Variants in BRI3BP observed in about 807,000 individuals in gnomAD.
BRI3BP encodes the protein BRI3 binding protein.
A neutral mutation model predicts 15.8 loss-of-function variants in BRI3BP; 7 were observed. That is an observed-to-expected ratio of 0.44 (90% CI 0.25 to 0.83). BRI3BP has a LOEUF of 0.83. Among genes scored for constraint, BRI3BP ranks in the 40% least tolerant of loss-of-function variants. The pLI, the probability that BRI3BP is intolerant of heterozygous loss-of-function variation, is 0.20. For synonymous variants in BRI3BP, 192 were observed against 163.5 expected (o/e 1.17, Z -1.33); for missense variants, 320 against 339.3 (o/e 0.94, Z 0.45).
At chr12:124,999,796 G>A (rs12820308) in intron 1 of BRI3BP, among the ~76,000 whole-genome samples, 7,334 of 89,648 alleles carry the variant, frequency 0.082, 317 homozygotes, top group Admixed American at 0.16. Context: ...TTTTTTGTGT[G>A]TTTTTAGTAG....
the BRI3BP span, among the ~76,000 whole-genome samples, chr12:125,040,767 G>A: frequency 2.7e-5 from 4 of 149,210 alleles, no homozygotes; most frequent in African/African-American, 9.9e-5. Flanking sequence ...GTCTTGCTGT[G>A]TTGTCCAGGC....
In BRI3BP at chr12:125,030,550, C is replaced by G. The variant is rs1955398617; in HGVS notation, c.*5120C>G. ...TGATATGTAGGAGGTGCACCAGTAC[C>G]AGTTTTTCTCTTGTGGTGGCTTAAA... On this transcript the variant is annotated 3_prime_UTR_variant, in exon 3 of 3. Transcript: ENST00000341446. 1 of 152,162 alleles carries G rather than the reference C, an allele frequency of 6.6e-6. No individual in the cohort carries two copies. The highest frequency in any genetic ancestry group is 2.1e-4 in the South Asian group (1 of 4,824). 9.4% of individuals were successfully genotyped at this position (152,162 alleles called of 1,614,324 possible). A position where few individuals can be genotyped will look rare whatever the true frequency, so the allele number is the denominator to read the frequency against.
intron 1 of BRI3BP, among the ~76,000 whole-genome samples, chr12:124,995,445 A>T (rs1955032356): frequency 6.6e-6 from 1 of 152,238 alleles, no homozygotes; most frequent in African/African-American, 2.4e-5. Context: ...GGGTGACCAC[A>T]GGATCCCCAT....
the BRI3BP span, among the ~76,000 whole-genome samples, chr12:125,050,825 A>G: frequency 6.6e-6 from 1 of 152,326 alleles, no homozygotes; most frequent in South Asian, 2.1e-4. Context: ...AACCATCTGC[A>G]TAAGAGATAG....
At position 124,993,915 on chromosome 12, in the gene BRI3BP, A is replaced by G. The variant is rs751236717; in HGVS notation, c.125A>G (p.Glu42Gly). The change falls in exon 1 of 3, where the codon GAG becomes GGG. Residue 42 changes from glutamate (E) to glycine (G), a missense_variant. Glu to Gly is a moderately conservative substitution (Grantham distance 98). Coordinates refer to ENST00000341446, the MANE Select transcript of BRI3BP (RefSeq NM_080626.6). Reference protein sequence around the residue: ...AQGARGRGGAEKNSYRRTVNT... With the variant: ...AQGARGRGGAGKNSYRRTVNT... ...GGGGCGCGGGGCCGCGGCGGCGCGG[A>G]GAAGAACAGCTACCGCCGCACGGTC... 7.6e-7 allele frequency: 1 copy of G among 1,312,778 alleles called. No individual in the cohort carries two copies. Among genetic ancestry groups the G allele is most frequent in the South Asian group, 2.0e-5 (1 of 50,716 alleles). 81.3% of individuals were successfully genotyped at this position (1,312,778 alleles called of 1,614,324 possible). A position where few individuals can be genotyped will look rare whatever the true frequency, so the allele number is the denominator to read the frequency against.
At chr12:125,016,824 C>CT (rs1955248772) in intron 2 of BRI3BP, among the ~76,000 whole-genome samples, 4 of 91,278 alleles carry the variant, frequency 4.4e-5, no homozygotes, top group Non-Finnish European at 8.7e-5. Flanking sequence ...CTGCGCCCAG[C>CT]CTTTTTTTTT....
At chr12:125,008,924 A>G (rs970380246) in intron 1 of BRI3BP, among the ~76,000 whole-genome samples, 2 of 151,970 alleles carry the variant, frequency 1.3e-5, no homozygotes, top group African/African-American at 2.4e-5. Flanking sequence ...CACAAGGAAC[A>G]TGTAACCTAG....
rs1262471574 is a variant in BRI3BP at position 124,993,893 on chromosome 12, G to A, written c.103G>A (p.Ala35Thr). The A allele has an allele frequency of 7.9e-7, 1 of 1,261,876 alleles. No individual in the cohort carries two copies. The highest frequency in any genetic ancestry group is 1.0e-6 in the Non-Finnish European group (1 of 996,480). 78.2% of individuals were successfully genotyped at this position (1,261,876 alleles called of 1,614,324 possible). Residue 35 changes from alanine to threonine, a missense_variant, in exon 1 of 3, where the codon GCG becomes ACG. Transcript: ENST00000341446. Reference protein sequence around the residue: ...LGLLAPGAQGARGRGGAEKNS... With the variant: ...LGLLAPGAQGTRGRGGAEKNS... ...GCTGCTGGCCCCGGGCGCGCAGGGG[G>A]CGCGGGGCCGCGGCGGCGCGGAGAA...
rs1371824157 is a variant in BRI3BP, at chr12:125,025,225, C to T, written c.551C>T (p.Ala184Val). 3 of 1,614,026 alleles carry T rather than the reference C, an allele frequency of 1.9e-6. No individual in the cohort carries two copies. The highest frequency in any genetic ancestry group is 1.3e-5 in the African/African-American group (1 of 74,930). The change falls in exon 3 of 3, where the codon GCG becomes GTG. Residue 184 changes from alanine (A) to valine (V), a missense_variant. By Grantham distance (64) the Ala-to-Val change is moderately conservative (BLOSUM62 0). Transcript: ENST00000341446. ...LHKYEGEPEN[A>V]VLPLCFVVAV... ...AAGTACGAGGGCGAGCCGGAGAACGCGGTGCTGCCGCTGTGCTTCGTGGTG... is the reference window on the plus strand; with the variant it reads ...AAGTACGAGGGCGAGCCGGAGAACGTGGTGCTGCCGCTGTGCTTCGTGGTG...
intron 1 of BRI3BP, among the ~76,000 whole-genome samples, chr12:125,004,937 C>T (rs866085811): frequency 6.6e-6 from 1 of 152,212 alleles, no homozygotes; most frequent in African/African-American, 2.4e-5. Flanking sequence ...CCTCTGCCTC[C>T]CAGATTCAAG....
At chr12:125,032,790 G>T (rs1271414872), downstream of BRI3BP, among the ~76,000 whole-genome samples, 1 of 152,186 alleles carries the variant, frequency 6.6e-6, no homozygotes, top group African/African-American at 2.4e-5. Context: ...TAATCATTTT[G>T]TAAGAATGCA....
chr12:125,033,423 T>C (rs117005488), downstream of BRI3BP, among the ~76,000 whole-genome samples: 2,743 of 152,084 alleles, frequency 0.018, 32 homozygotes, highest in Non-Finnish European at 0.027. Flanking sequence ...TACATAAATA[T>C]ACATAAAATG....
the BRI3BP span, among the ~76,000 whole-genome samples, chr12:125,038,027 T>A: frequency 6.6e-6 from 1 of 152,082 alleles, no homozygotes; most frequent in Non-Finnish European, 1.5e-5. Context: ...GCACGGTGGC[T>A]CATGCATGTA....
At chr12:125,017,057 G>A (rs201987610) in intron 2 of BRI3BP, among the ~76,000 whole-genome samples, 28 of 148,246 alleles carry the variant, frequency 1.9e-4, no homozygotes, top group East Asian at 7.9e-4. Context: ...TTGCTCTGTC[G>A]CCCAGGCTAG....
downstream of BRI3BP, among the ~76,000 whole-genome samples, chr12:125,032,494 G>A (rs1196966564): frequency 6.6e-6 from 1 of 151,782 alleles, no homozygotes; most frequent in African/African-American, 2.4e-5. Context: ...TTGTGGCCGG[G>A]TGCAGTGGCT....
Position 125,025,258 on chromosome 12 carries a change from A to G in BRI3BP, c.584A>G (p.Tyr195Cys). The change falls in exon 3 of 3, where the codon TAC becomes TGC. Residue 195 changes from tyrosine to cysteine, a missense_variant. Physicochemically the swap from Tyr to Cys is radical, Grantham distance 194 (BLOSUM62 -2). Transcript: ENST00000341446. Reference sequence around the variant, plus strand: ...CCGCTGTGCTTCGTGGTGGCCGTCTACTTCATGACCGGGCCCATGGGCTTC... The same window carrying G: ...CCGCTGTGCTTCGTGGTGGCCGTCTGCTTCATGACCGGGCCCATGGGCTTC... ...VLPLCFVVAV[Y>C]FMTGPMGFYW... 3.1e-6 allele frequency: 5 copies of G among 1,614,064 alleles called. No individual in the cohort carries two copies. Among genetic ancestry groups the G allele is most frequent in the Non-Finnish European group, 4.2e-6 (5 of 1,180,024 alleles).
At position 125,027,909 on chromosome 12, in the gene BRI3BP, G is replaced by C. The variant is rs960408799; in HGVS notation, c.*2479G>C. On this transcript the variant is annotated 3_prime_UTR_variant, in exon 3 of 3. Coordinates refer to ENST00000341446, the MANE Select transcript of BRI3BP (RefSeq NM_080626.6). ...TCACCGTGTTAGCCAGGATGGTCTC[G>C]ATCTCCTGACCTCGTGATCCGCCCG... is the stretch of plus-strand genomic sequence containing the variant. 1.3e-5 allele frequency: 2 copies of C among 152,038 alleles called. No individual in the cohort carries two copies. The highest frequency in any genetic ancestry group is 2.9e-5 in the Non-Finnish European group (2 of 68,016). The allele number at this position is 152,038 out of a possible 1,614,324, so 9.4% of individuals were successfully genotyped here.
At chr12:125,045,624 G>A in the BRI3BP span, among the ~76,000 whole-genome samples, 3 of 152,118 alleles carry the variant, frequency 2.0e-5, no homozygotes, top group Non-Finnish European at 2.9e-5. Flanking sequence ...GAACCGCCCC[G>A]CCTGGCCTCT....
In BRI3BP at chr12:124,999,687, G is replaced by A. The variant is rs146846357; in HGVS notation, c.213+5684G>A. ...GGCTGGAGTGCAGTGGCGCAATTTC[G>A]GCTCACTGCAAGCTCCACCTCCTGG... On this transcript the variant is annotated intron_variant, in intron 1 of 2. Coordinates refer to ENST00000341446, the MANE Select transcript of BRI3BP (RefSeq NM_080626.6). Among the ~76,000 whole-genome samples, 1,392 of 149,984 alleles carry A rather than the reference G, an allele frequency of 9.3e-3. 13 individuals are homozygous for A. Among genetic ancestry groups the A allele is most frequent in the African/African-American group, 0.033 (1,336 of 40,908 alleles).
Sources: gnomAD v4.1 joint callset for allele counts (sites outside exome capture counted in the v4.1 genomes callset) on GRCh38, gnomAD v4.1.1 for gene constraint, MANE v1.5 for transcripts, NCBI Gene and HGNC (gene_info 2026-07-23, HGNC 2026-07-21) for gene names.